Variants in DNAH12 observed in about 807,000 individuals in gnomAD.
DNAH12 encodes the protein dynein axonemal heavy chain 12, also known as axonemal beta dynein heavy chain 12.
Under a neutral mutation model 371.5 loss-of-function variants are expected in DNAH12, and 285 were observed. That is an observed-to-expected ratio of 0.77 (90% CI 0.70 to 0.85). The LOEUF is 0.85. Ranked by LOEUF, DNAH12 falls within the 40% of genes least tolerant of loss-of-function variation. The pLI is 0.00. For missense variants in DNAH12, 3,611 were observed against 3,689.4 expected (o/e 0.98, Z 0.55); for synonymous variants, 1,200 against 1,213.0 (o/e 0.99, Z 0.22).
intron 58 of DNAH12, among the ~76,000 whole-genome samples, chr3:57,359,427 C>T (rs916933129): frequency 5.3e-5 from 8 of 151,610 alleles, no homozygotes; most frequent in South Asian, 4.2e-4. Flanking sequence ...GACGTGGTGG[C>T]GCATGCCTGT....
At chr3:57,345,147 T>A (rs1291416464) in intron 60 of DNAH12, among the ~76,000 whole-genome samples, 2 of 152,286 alleles carry the variant, frequency 1.3e-5, no homozygotes, top group Admixed American at 1.3e-4. Context: ...TATACTGTAT[T>A]TACCAATACT....
intron 4 of DNAH12, among the ~76,000 whole-genome samples, chr3:57,512,291 CA>C (rs2068029022): frequency 1.3e-5 from 2 of 151,990 alleles, no homozygotes; most frequent in African/African-American, 4.8e-5. Flanking sequence ...GTAAATAGAG[CA>C]GTTAAATTTA....
chr3:57,424,504 G>A (rs1012737279), intron 35 of DNAH12, among the ~76,000 whole-genome samples: 74 of 149,762 alleles, frequency 4.9e-4, no homozygotes, highest in African/African-American at 1.6e-3. Context: ...GTTGCCAGGC[G>A]CGGTGGCTCA....
intron 12 of DNAH12, among the ~76,000 whole-genome samples, chr3:57,489,111 C>T (rs189293447): frequency 6.6e-6 from 1 of 152,076 alleles, no homozygotes; most frequent in South Asian, 2.1e-4. Context: ...TTTATAGCCA[C>T]CCTGAAAAGT....
At chr3:57,500,673 T>C (rs6777616) in intron 11 of DNAH12, among the ~76,000 whole-genome samples, 2,325 of 152,264 alleles carry the variant, frequency 0.015, 41 homozygotes, top group African/African-American at 0.051. Flanking sequence ...CAACACTTTG[T>C]CCATATCTCT....
intron 30 of DNAH12, among the ~76,000 whole-genome samples, chr3:57,434,754 A>G (rs1339551846): frequency 1.3e-5 from 2 of 152,198 alleles, no homozygotes; most frequent in African/African-American, 4.8e-5. Flanking sequence ...GAAGACAGCT[A>G]ATTACCTAAG....
chr3:57,397,915 G>A (rs1325468016), intron 43 of DNAH12, among the ~76,000 whole-genome samples: 2 of 151,926 alleles, frequency 1.3e-5, no homozygotes, highest in African/African-American at 4.8e-5. Context: ...AGGAAACGTG[G>A]CCCAGTCAAA....
intron 68 of DNAH12, 98 bp downstream of exon 68, chr3:57,309,568 G>A (rs2061544616): frequency 2.5e-6 from 3 of 1,177,752 alleles, no homozygotes; most frequent in African/African-American, 3.1e-5. Flanking sequence ...CAAAGTTCTT[G>A]CTCAAGATCA....
At chr3:57,520,389 C>G (rs1394026014) in intron 4 of DNAH12, among the ~76,000 whole-genome samples, 3 of 151,040 alleles carry the variant, frequency 2.0e-5, no homozygotes, top group Non-Finnish European at 4.4e-5. Flanking sequence ...CTGCGCCTGA[C>G]CGTTTTTACC....
chr3:57,380,051 C>A (rs1366656790), intron 51 of DNAH12, among the ~76,000 whole-genome samples: 1 of 151,910 alleles, frequency 6.6e-6, no homozygotes, highest in East Asian at 1.9e-4. Flanking sequence ...CTCAATTATA[C>A]ACTAAAAGAG....
At chr3:57,412,277 C>A (rs926795409) in intron 39 of DNAH12, among the ~76,000 whole-genome samples, 1 of 152,142 alleles carries the variant, frequency 6.6e-6, no homozygotes, top group Admixed American at 6.5e-5. Context: ...GACCTATACA[C>A]AATTTTACAC....
intron 60 of DNAH12, 65 bp downstream of exon 60, chr3:57,352,020 C>T: frequency 7.0e-7 from 1 of 1,423,478 alleles, no homozygotes; most frequent in African/African-American, 1.5e-5. Context: ...AAGACATATT[C>T]ACAGATTTGA....
At chr3:57,519,567 T>A in intron 4 of DNAH12, 1 of 688,734 alleles carries the variant, frequency 1.5e-6, no homozygotes, top group South Asian at 1.6e-5. Context: ...GACTCCTATT[T>A]GAAGAAGTAA....
chr3:57,493,085 C>T (rs139625365), intron 11 of DNAH12, among the ~76,000 whole-genome samples: 3,616 of 152,238 alleles, frequency 0.024, 66 homozygotes, highest in Non-Finnish European at 0.034. Context: ...CTTATAGACA[C>T]TACAGGTTAT....
rs1029688567 is a variant in DNAH12 at position 57,366,911 on chromosome 3, A to G, written c.8985T>C (p.Asp2995=). 1 of 152,270 alleles carries G rather than the reference A, an allele frequency of 6.6e-6. No individual in the cohort carries two copies. Among genetic ancestry groups the G allele is most frequent in the Non-Finnish European group, 1.5e-5 (1 of 68,058 alleles). 9.4% of individuals were successfully genotyped at this position (152,270 alleles called of 1,614,324 possible). Residue 2995 remains aspartate, a synonymous_variant, in exon 57 of 74, where the codon GAT becomes GAC. Coordinates refer to ENST00000495027, the MANE Select transcript of DNAH12 (RefSeq NM_001366028.2). The part of the protein sequence containing the change: ...LRQTFKQGGI[D]CIRLGEVIIE... ...TAATGACCTCACCAAGTCTGATGCA[A>G]TCAATGCCACCTATATTTCAGAAAA...
intron 55 of DNAH12, among the ~76,000 whole-genome samples, chr3:57,374,621 T>C (rs1453974368): frequency 2.6e-5 from 4 of 152,200 alleles, no homozygotes; most frequent in East Asian, 3.9e-4. Context: ...AACAAGTACA[T>C]TGTATAGCCA....
chr3:57,412,170 A>G (rs1553683255), intron 39 of DNAH12, among the ~76,000 whole-genome samples: 1 of 152,210 alleles, frequency 6.6e-6, no homozygotes, highest in Admixed American at 6.5e-5. Flanking sequence ...GCTTGAAGCT[A>G]GAATTTTGAG....
intron 25 of DNAH12, among the ~76,000 whole-genome samples, chr3:57,448,412 C>T (rs6445881): frequency 6.6e-6 from 1 of 150,582 alleles, no homozygotes; most frequent in Non-Finnish European, 1.5e-5. Context: ...GACCTTCGCC[C>T]TGAGTGTTAA....
Position 57,301,952 on chromosome 3 carries a change from A to T in DNAH12, c.11190-13T>A. ...AGTTATAATTAAACTGCAATGAAAG[A>T]AATTATGTCATCAACATATATGATG... On this transcript the variant is annotated splice_polypyrimidine_tract_variant and intron_variant, in intron 69 of 73. Transcript: ENST00000495027. 6.5e-7 allele frequency: 1 copy of T among 1,549,334 alleles called. No homozygotes were observed. Among genetic ancestry groups the T allele is most frequent in the Non-Finnish European group, 8.7e-7 (1 of 1,145,062 alleles).
Sources: allele counts gnomAD v4.1 joint callset (sites outside exome capture counted in the v4.1 genomes callset), GRCh38; gene constraint gnomAD v4.1.1; transcripts MANE v1.5; gene names NCBI Gene and HGNC (gene_info 2026-07-23, HGNC 2026-07-21).